Variants in SLC39A14 observed in about 807,000 individuals in gnomAD.
The protein encoded by SLC39A14 is solute carrier family 39 member 14, also known as metal cation symporter ZIP14.
A neutral mutation model predicts 45.5 loss-of-function variants in SLC39A14; 19 were observed. The observed-to-expected ratio is 0.42, with a 90% CI of 0.29 to 0.61. The LOEUF is 0.61. Among genes scored for constraint, SLC39A14 ranks in the 20% least tolerant of loss-of-function variants. The pLI is 0.22. For missense variants in SLC39A14, 447 were observed against 616.5 expected (o/e 0.73, Z 2.91); for synonymous variants, 264 against 251.3 (o/e 1.05, Z -0.48).
At chr8:22,370,873 C>T (rs143885082) in intron 1 of SLC39A14, among the ~76,000 whole-genome samples, 123 of 152,296 alleles carry the variant, frequency 8.1e-4, no homozygotes, top group Non-Finnish European at 1.6e-3. Context: ...CTCTGACCTC[C>T]AGGCTGGTGG....
At chr8:22,398,035 C>T (rs1362142683) in intron 1 of SLC39A14, among the ~76,000 whole-genome samples, 1 of 152,126 alleles carries the variant, frequency 6.6e-6, no homozygotes, top group African/African-American at 2.4e-5. Flanking sequence ...GCTCATTTTA[C>T]GTCCTTTGAG....
chr8:22,396,965 T>C (rs1038799598), intron 1 of SLC39A14, among the ~76,000 whole-genome samples: 5 of 151,484 alleles, frequency 3.3e-5, no homozygotes, highest in African/African-American at 1.2e-4. Flanking sequence ...CATTGGTTAA[T>C]TTTTTTTTCT....
rs35093772 is a variant in SLC39A14, at chr8:22,379,927, C to CAAA, written c.-16+12537_-16+12539dup. 1.0e-4 allele frequency among the ~76,000 whole-genome samples: 9 copies of CAAA among 87,956 alleles called. No individual in the cohort carries two copies. The East Asian group carries it at 2.0e-3, about 20-fold the overall frequency. 57.7% of individuals were successfully genotyped at this position (87,956 alleles called of 152,430 possible). On this transcript the variant is annotated intron_variant, in intron 1 of 8. Transcript: ENST00000381237. ...CTGGCGACAGAGTGAGACTCCATCT[C>CAAA]AAAAAAAAAAAAAAAAAAAAGAAAA...
At chr8:22,410,201 A>G (rs1835487942) in intron 3 of SLC39A14, 5 of 1,426,094 alleles carry the variant, frequency 3.5e-6, no homozygotes, top group South Asian at 1.2e-5. Flanking sequence ...CTGGGCTCCA[A>G]GGCACCCAAT....
At chr8:22,392,171 C>T (rs1380528790) in intron 1 of SLC39A14, among the ~76,000 whole-genome samples, 1 of 152,110 alleles carries the variant, frequency 6.6e-6, no homozygotes, top group Non-Finnish European at 1.5e-5. Context: ...GACAGGGAGG[C>T]AATTGAACAG....
At chr8:22,403,275 C>CTATT (rs71206519) in intron 1 of SLC39A14, among the ~76,000 whole-genome samples, 35,926 of 147,112 alleles carry the variant, frequency 0.24, 5,085 homozygotes, top group East Asian at 0.5. Flanking sequence ...TGCGCCCGGC[C>CTATT]TATTTATTTA....
chr8:22,422,436 A>C lies in SLC39A14; in HGVS notation c.*2738A>C, dbSNP rs986974644. On this transcript the variant is annotated 3_prime_UTR_variant, in exon 9 of 9. Coordinates refer to ENST00000381237, the MANE Select transcript of SLC39A14 (RefSeq NM_001128431.4). ...GGGTAGCGTAAGAGCTGAGTATAGT[A>C]AGTCCTCTTCCAAAGAGATGGCAAT... 16 of 985,756 alleles carry C rather than the reference A, an allele frequency of 1.6e-5. No individual in the cohort carries two copies. In the African/African-American group the frequency reaches 2.8e-4, roughly 17 times the overall value. The allele number at this position is 985,756 out of a possible 1,614,324, so 61.1% of individuals were successfully genotyped here. A position where few individuals can be genotyped will look rare whatever the true frequency, so the allele number is the denominator to read the frequency against.
chr8:22,389,153 G>C (rs1299898756), intron 1 of SLC39A14, among the ~76,000 whole-genome samples: 1 of 152,208 alleles, frequency 6.6e-6, no homozygotes, highest in Non-Finnish European at 1.5e-5. Flanking sequence ...TCCGACTTCA[G>C]TGTGCATCAT....
chr8:22,371,657 T>C (rs1832943308), intron 1 of SLC39A14, among the ~76,000 whole-genome samples: 1 of 151,428 alleles, frequency 6.6e-6, no homozygotes, highest in Non-Finnish European at 1.5e-5. Flanking sequence ...GGTTTTGAAC[T>C]CCTGACCTCG....
At chr8:22,405,412 CT>C (rs1331207634) in intron 2 of SLC39A14, among the ~76,000 whole-genome samples, 1 of 152,208 alleles carries the variant, frequency 6.6e-6, no homozygotes, top group African/African-American at 2.4e-5. Context: ...ACTTGGGAGG[CT>C]GAGGCAAGAG....
At chr8:22,368,647 C>T (rs1244162567) in intron 1 of SLC39A14, among the ~76,000 whole-genome samples, 3 of 152,202 alleles carry the variant, frequency 2.0e-5, no homozygotes, top group South Asian at 2.1e-4. Context: ...AGCGACTCTC[C>T]TGCCTCAGCC....
At position 22,420,821 on chromosome 8, in the gene SLC39A14, G is replaced by C. The variant is rs1836183458; in HGVS notation, c.*1123G>C. The C allele has an allele frequency of 3.0e-6, 3 of 985,456 alleles. No homozygotes were observed. In the South Asian group the frequency reaches 1.4e-4, roughly 46 times the overall value. 61.0% of individuals were successfully genotyped at this position (985,456 alleles called of 1,614,324 possible). On this transcript the variant is annotated 3_prime_UTR_variant, in exon 9 of 9. Coordinates refer to ENST00000381237, the MANE Select transcript of SLC39A14 (RefSeq NM_001128431.4). ...CACAAACTTCACTTAGGGCATCGCA[G>C]ATGTTTGCAGAATGGTTGGCCTAAT...
chr8:22,391,541 C>T (rs1434052349), intron 1 of SLC39A14, among the ~76,000 whole-genome samples: 2 of 151,654 alleles, frequency 1.3e-5, no homozygotes, highest in Admixed American at 1.3e-4. Flanking sequence ...GATAGAATGT[C>T]CTTGGAAAGT....
At chr8:22,380,096 G>C (rs529196818) in intron 1 of SLC39A14, among the ~76,000 whole-genome samples, 2 of 152,114 alleles carry the variant, frequency 1.3e-5, no homozygotes, top group African/African-American at 4.8e-5. Context: ...GAGGAAGTGC[G>C]TAGGTTATAT....
intron 1 of SLC39A14, among the ~76,000 whole-genome samples, chr8:22,376,245 C>G (rs188487389): frequency 2.6e-5 from 4 of 151,098 alleles, no homozygotes; most frequent in Non-Finnish European, 4.4e-5. Flanking sequence ...GATCTCGGCT[C>G]TCTGCAGCCT....
At chr8:22,425,254 T>G (rs1479232853), downstream of SLC39A14, among the ~76,000 whole-genome samples, 1 of 152,188 alleles carries the variant, frequency 6.6e-6, no homozygotes, top group Non-Finnish European at 1.5e-5. Flanking sequence ...AACAGGCCAT[T>G]AAGTAGATTA....
chr8:22,395,508 C>T (rs1293769340), intron 1 of SLC39A14, among the ~76,000 whole-genome samples: 7 of 152,212 alleles, frequency 4.6e-5, no homozygotes, highest in South Asian at 2.1e-4. Context: ...TCAAGGTCAT[C>T]GCCAAAGTCT....
chr8:22,392,357 C>T (rs1348304619), intron 1 of SLC39A14, among the ~76,000 whole-genome samples: 1 of 152,172 alleles, frequency 6.6e-6, no homozygotes, highest in African/African-American at 2.4e-5. Context: ...TTGGGAAGTT[C>T]CTGGCAGGCC....
Position 22,421,825 on chromosome 8 carries a change from C to CTA in SLC39A14, c.*2130_*2131dup. The CTA allele has an allele frequency of 1.0e-6, 1 of 985,218 alleles. No individual in the cohort carries two copies. Among genetic ancestry groups the CTA allele is most frequent in the Non-Finnish European group, 1.2e-6 (1 of 829,746 alleles). 61.0% of individuals were successfully genotyped at this position (985,218 alleles called of 1,614,324 possible). A position where few individuals can be genotyped will look rare whatever the true frequency, so the allele number is the denominator to read the frequency against. The stretch of plus-strand genomic sequence containing the variant: ...TCTAGTTTAGGAGAGGAGCTCAAAA[C>CTA]TATAATCTTTAACAAATTGAAAAAT... On this transcript the variant is annotated 3_prime_UTR_variant, in exon 9 of 9. Coordinates refer to ENST00000381237, the MANE Select transcript of SLC39A14 (RefSeq NM_001128431.4).
Sources: gnomAD v4.1 joint callset for allele counts (sites outside exome capture counted in the v4.1 genomes callset) on GRCh38, gnomAD v4.1.1 for gene constraint, MANE v1.5 for transcripts, NCBI Gene and HGNC (gene_info 2026-07-23, HGNC 2026-07-21) for gene names.